SOX5: variants seen among roughly 807,000 people sequenced by gnomAD.
SOX5 encodes transcription factor SOX-5.
A neutral mutation model predicts 92.0 loss-of-function variants in SOX5; 9 were observed. The ratio of observed to expected loss-of-function variants is 0.10; its 90% CI spans 0.06 to 0.17. SOX5 has a LOEUF of 0.17. SOX5 is among the 10% of genes least tolerant of loss of function. The probability of loss-of-function intolerance (pLI) is 1.00; values close to 1 mark genes in which losing one functional copy is unlikely to be tolerated. For synonymous variants in SOX5, 344 were observed against 336.3 expected, an observed-to-expected ratio of 1.02 and a Z score of -0.25; for missense variants, 642 against 944.5, an observed-to-expected ratio of 0.68 and a Z score of 4.20.
At chr12:23,542,986 T>C (rs1942410461) in intron 13 of SOX5, among the ~76,000 whole-genome samples, 1 of 152,176 alleles carries the variant, frequency 6.6e-6, no homozygotes, top group African/African-American at 2.4e-5. Context: ...ATTAAAATAA[T>C]TAGTATGAAG....
At chr12:23,696,733 C>G (rs1024293759) in intron 6 of SOX5, among the ~76,000 whole-genome samples, 1 of 152,108 alleles carries the variant, frequency 6.6e-6, no homozygotes, top group Admixed American at 6.5e-5. Context: ...TAATGCTATA[C>G]ATTCCCTTCT....
chr12:24,013,263 G>T lies in SOX5; in HGVS notation c.-1-117239C>A, dbSNP rs144544080. ...AGCTCCAATACTTTCTGTAAAGAAG[G>T]CTAGTCTGAACAGTGTTGACTTAAC... On this transcript the variant is annotated intron_variant, in intron 4 of 4. Coordinates refer to the SOX5 transcript ENST00000446891. Among the ~76,000 whole-genome samples the T allele has an allele frequency of 5.1e-3, 769 of 152,166 alleles. 11 individuals are homozygous for T. The highest frequency in any genetic ancestry group is 4.7e-3 in the Non-Finnish European group (318 of 67,986).
chr12:24,352,373 T>C (rs1954192155), intron 2 of SOX5, among the ~76,000 whole-genome samples: 1 of 152,028 alleles, frequency 6.6e-6, no homozygotes, highest in Non-Finnish European at 1.5e-5. Context: ...AATGGCTCTT[T>C]CTAAAAAAAA....
At chr12:23,995,896 T>C (rs1306354541) in intron 4 of SOX5, among the ~76,000 whole-genome samples, 1 of 152,204 alleles carries the variant, frequency 6.6e-6, no homozygotes, top group African/African-American at 2.4e-5. Flanking sequence ...TAAAGACCAA[T>C]GTGAACTTTT....
At chr12:23,753,834 A>G (rs1463249912) in intron 4 of SOX5, among the ~76,000 whole-genome samples, 1 of 151,800 alleles carries the variant, frequency 6.6e-6, no homozygotes, top group African/African-American at 2.4e-5. Flanking sequence ...CTAGCCACCT[A>G]TGAACAATGG....
chr12:23,736,660 GT>G (rs2093606147), intron 5 of SOX5, among the ~76,000 whole-genome samples: 1 of 145,630 alleles, frequency 6.9e-6, no homozygotes, highest in Non-Finnish European at 1.5e-5. Context: ...TTGGAATATG[GT>G]AAAAAAAAAA....
At chr12:24,337,156 G>A (rs1952007845) in intron 2 of SOX5, among the ~76,000 whole-genome samples, 1 of 152,154 alleles carries the variant, frequency 6.6e-6, no homozygotes, top group South Asian at 2.1e-4. Flanking sequence ...AAATCAGAGA[G>A]TAGTGTCTCC....
intron 11 of SOX5, among the ~76,000 whole-genome samples, chr12:23,554,321 T>C (rs1592011809): frequency 6.6e-6 from 1 of 152,136 alleles, no homozygotes; most frequent in East Asian, 1.9e-4. Context: ...ATGTACAGAT[T>C]GTGGAGATGG....
At chr12:23,846,308 G>C in intron 2 of SOX5, 115 bp from the exon 3 acceptor site, 1 of 840,000 alleles carries the variant, frequency 1.2e-6, no homozygotes, top group South Asian at 1.6e-5. Flanking sequence ...TTAAAATTCA[G>C]TAACTTTAAA....
rs551595818 is a variant in SOX5 at position 23,625,350 on chromosome 12, G to A, written c.1017+15462C>T. ...AAGTGGGGGCTGTTACTGGTGTTAC[G>A]GTCTAAATGGAATCCTCTCTCTTTA... On this transcript the variant is annotated intron_variant, in intron 8 of 14. Transcript: ENST00000451604. 2.2e-4 allele frequency among the ~76,000 whole-genome samples: 33 copies of A among 152,168 alleles called. 1 individual carries two copies. The highest frequency in any genetic ancestry group is 7.7e-4 in the African/African-American group (32 of 41,518).
chr12:23,705,297 A>G (rs1437575402), intron 6 of SOX5, among the ~76,000 whole-genome samples: 1 of 152,002 alleles, frequency 6.6e-6, no homozygotes. Flanking sequence ...AGAGCGCTGC[A>G]TGTTTGAGAT....
chr12:24,054,126 T>C (rs1479202611), intron 4 of SOX5, among the ~76,000 whole-genome samples: 3 of 152,238 alleles, frequency 2.0e-5, no homozygotes, highest in Non-Finnish European at 4.4e-5. Context: ...TGACTCCAGC[T>C]AGGGAATTTG....
intron 4 of SOX5, among the ~76,000 whole-genome samples, chr12:24,040,886 A>C (rs867159161): frequency 6.6e-6 from 1 of 152,154 alleles, no homozygotes; most frequent in African/African-American, 2.4e-5. Context: ...GAAAAAACAA[A>C]AAAAAAATTC....
At chr12:23,903,451 G>T (rs1434572329) in intron 1 of SOX5, among the ~76,000 whole-genome samples, 2 of 152,164 alleles carry the variant, frequency 1.3e-5, no homozygotes, top group African/African-American at 4.8e-5. Context: ...GGGTATGATG[G>T]CCTCCGCCTG....
At chr12:24,057,220 A>G (rs1958222841) in intron 4 of SOX5, among the ~76,000 whole-genome samples, 1 of 152,058 alleles carries the variant, frequency 6.6e-6, no homozygotes, top group African/African-American at 2.4e-5. Context: ...GAGAAGACAC[A>G]AAGACTCATA....
At chr12:24,221,947 T>TA (rs1960561548) in intron 3 of SOX5, among the ~76,000 whole-genome samples, 1 of 152,094 alleles carries the variant, frequency 6.6e-6, no homozygotes, top group African/African-American at 2.4e-5. Flanking sequence ...GCAAGAGTAA[T>TA]AGGAAGTGAG....
At chr12:23,917,398 C>CA (rs888372435) in intron 1 of SOX5, among the ~76,000 whole-genome samples, 3 of 151,462 alleles carry the variant, frequency 2.0e-5, no homozygotes, top group African/African-American at 7.3e-5. Flanking sequence ...AAAACAAAAA[C>CA]AAAAAATGGA....
intron 1 of SOX5, among the ~76,000 whole-genome samples, chr12:24,473,008 A>T (rs1388266222): frequency 1.3e-5 from 2 of 152,100 alleles, no homozygotes; most frequent in African/African-American, 4.8e-5. Context: ...TAACCTCTAC[A>T]AATAATTTTT....
chr12:24,259,434 C>T (rs1054535690), intron 3 of SOX5, among the ~76,000 whole-genome samples: 2 of 152,092 alleles, frequency 1.3e-5, no homozygotes, highest in Admixed American at 6.5e-5. Flanking sequence ...TTATTGCATA[C>T]GTAGACTGTG....
Sources: allele counts gnomAD v4.1 joint callset (sites outside exome capture counted in the v4.1 genomes callset), GRCh38; gene constraint gnomAD v4.1.1; transcripts MANE v1.5; gene names NCBI Gene and HGNC (gene_info 2026-07-23, HGNC 2026-07-21).